The following CHRM3 variants were observed in gnomAD, a reference collection of about 807,000 sequenced individuals.
The protein encoded by CHRM3 is muscarinic acetylcholine receptor M3.
Under a neutral mutation model 41.8 loss-of-function variants are expected in CHRM3, and 11 were observed. The ratio of observed to expected loss-of-function variants is 0.26; its 90% CI spans 0.17 to 0.44. The LOEUF (loss-of-function observed/expected upper bound fraction) is 0.44, where lower values mean the gene tolerates loss of function less well. Among genes scored for constraint, CHRM3 ranks in the 20% least tolerant of loss-of-function variants. CHRM3 has a pLI of 1.00. For synonymous variants in CHRM3, 297 were observed against 301.4 expected, an observed-to-expected ratio of 0.99 and a Z score of 0.15; for missense variants, 571 against 745.4, an observed-to-expected ratio of 0.77 and a Z score of 2.72.
At chr1:239,646,022 C>T (rs1479384890) in intron 4 of CHRM3, among the ~76,000 whole-genome samples, 2 of 151,974 alleles carry the variant, frequency 1.3e-5, no homozygotes, top group African/African-American at 4.8e-5. Flanking sequence ...ACAATACATG[C>T]CAAGTGTAAA....
intron 6 of CHRM3, among the ~76,000 whole-genome samples, chr1:239,829,388 C>A (rs1057392820): frequency 1.3e-5 from 2 of 149,248 alleles, no homozygotes; most frequent in African/African-American, 4.9e-5. Flanking sequence ...GTTCAATTGA[C>A]TGCAAGGACT....
Position 239,908,396 on chromosome 1 carries a change from C to T in CHRM3, c.945C>T (p.Phe315=), listed in dbSNP as rs201978988. 6.2e-6 allele frequency: 10 copies of T among 1,614,084 alleles called. No individual in the cohort carries two copies. Among genetic ancestry groups the T allele is most frequent in the Non-Finnish European group, 5.9e-6 (7 of 1,180,046 alleles). ...AGTATGGCCGCTGCCACTTCTGGTT[C>T]ACAACCAAGAGCTGGAAACCCAGCT... The part of the protein sequence containing the change: ...RRKYGRCHFW[F]TTKSWKPSSE... The change falls in exon 7 of 7, where the codon TTC becomes TTT. Residue 315 remains phenylalanine (F), a synonymous_variant. Coordinates refer to ENST00000676153, the MANE Select transcript of CHRM3 (RefSeq NM_001375978.1). This position sits in a 1 kb window ranked among gnomAD's most constrained non-coding sequence, Gnocchi z 7.2.
chr1:239,572,129 C>A (rs903757473), intron 3 of CHRM3, among the ~76,000 whole-genome samples: 1 of 152,164 alleles, frequency 6.6e-6, no homozygotes, highest in Admixed American at 6.5e-5. Context: ...CATTTTACCA[C>A]CAAAAGCTTG....
intron 5 of CHRM3, among the ~76,000 whole-genome samples, chr1:239,682,257 G>T (rs531824619): frequency 2.0e-5 from 3 of 152,160 alleles, no homozygotes; most frequent in Admixed American, 2.0e-4. Flanking sequence ...GAATAGAGCT[G>T]TAATGAGGTC....
chr1:239,672,947 A>G (rs1245985617), intron 4 of CHRM3, among the ~76,000 whole-genome samples: 1 of 152,118 alleles, frequency 6.6e-6, no homozygotes, highest in Non-Finnish European at 1.5e-5. Context: ...GCCTAAAACT[A>G]TCAGTGAGCC....
intron 1 of CHRM3, among the ~76,000 whole-genome samples, chr1:239,471,311 T>C (rs993312946): frequency 1.3e-5 from 2 of 152,174 alleles, no homozygotes; most frequent in Admixed American, 6.5e-5. Context: ...CTGCCAGGTG[T>C]TGAGCAGCAA....
chr1:239,759,864 G>A (rs976639948), intron 5 of CHRM3, among the ~76,000 whole-genome samples: 3 of 152,088 alleles, frequency 2.0e-5, no homozygotes, highest in Admixed American at 1.3e-4. Context: ...CCACTTCCAA[G>A]ATGTCATGTC....
At chr1:239,765,722 T>C (rs1667145881) in intron 5 of CHRM3, among the ~76,000 whole-genome samples, 1 of 152,128 alleles carries the variant, frequency 6.6e-6, no homozygotes, top group Non-Finnish European at 1.5e-5. Flanking sequence ...AAGCAGTCAG[T>C]ATATTCAGCA....
intron 5 of CHRM3, chr1:239,705,456 C>T (rs1420427599): frequency 6.6e-6 from 1 of 152,184 alleles, no homozygotes; most frequent in Non-Finnish European, 1.5e-5. Flanking sequence ...AGGGTTGGCT[C>T]CTCCTGACAG....
intron 6 of CHRM3, among the ~76,000 whole-genome samples, chr1:239,828,411 T>G (rs1007593039): frequency 2.0e-5 from 3 of 152,128 alleles, no homozygotes; most frequent in Non-Finnish European, 4.4e-5. Context: ...CACACACTTA[T>G]ACACACACAA....
chr1:239,641,000 T>C (rs1237316488), intron 4 of CHRM3, among the ~76,000 whole-genome samples: 2 of 152,048 alleles, frequency 1.3e-5, no homozygotes, highest in African/African-American at 4.8e-5. Flanking sequence ...AACATCTTTA[T>C]TTCTGCCTTC....
At chr1:239,435,861 G>A (rs1486422782) in intron 1 of CHRM3, among the ~76,000 whole-genome samples, 2 of 152,090 alleles carry the variant, frequency 1.3e-5, no homozygotes, top group African/African-American at 4.8e-5. Context: ...GGCAATGTTA[G>A]GAGGATCACA....
At chr1:239,531,693 T>C (rs1240461460) in intron 2 of CHRM3, among the ~76,000 whole-genome samples, 3 of 117,058 alleles carry the variant, frequency 2.6e-5, no homozygotes, top group African/African-American at 9.5e-5. Flanking sequence ...AGAGTCTCGC[T>C]CTGTCGCCCA....
intron 1 of CHRM3, among the ~76,000 whole-genome samples, chr1:239,406,394 C>T (rs1660598487): frequency 6.6e-6 from 1 of 152,092 alleles, no homozygotes; most frequent in Non-Finnish European, 1.5e-5. Context: ...ACAGAAGAAA[C>T]AAAGAAATTT....
At chr1:239,818,029 A>G (rs1671736012) in intron 5 of CHRM3, among the ~76,000 whole-genome samples, 1 of 152,172 alleles carries the variant, frequency 6.6e-6, no homozygotes, top group African/African-American at 2.4e-5. Flanking sequence ...TTGGGTTGTC[A>G]CAACAAAACA....
chr1:239,487,051 CAT>C (rs1667226307), intron 1 of CHRM3, among the ~76,000 whole-genome samples: 1 of 152,112 alleles, frequency 6.6e-6, no homozygotes, highest in South Asian at 2.1e-4. Context: ...TGATGCAGAA[CAT>C]ATTAAATTCT....
chr1:239,518,600 G>GA (rs1262021919), intron 2 of CHRM3, among the ~76,000 whole-genome samples: 43 of 152,102 alleles, frequency 2.8e-4, no homozygotes, highest in Non-Finnish European at 2.9e-5. Flanking sequence ...CAGTTTGGGA[G>GA]AAAAAAGCCA....
At chr1:239,631,067 A>G (rs1012564654) in intron 3 of CHRM3, among the ~76,000 whole-genome samples, 2 of 152,272 alleles carry the variant, frequency 1.3e-5, no homozygotes, top group East Asian at 1.9e-4. Flanking sequence ...GGAAGAAGGG[A>G]TATCAGGGCA....
chr1:239,555,912 A>T lies in CHRM3; in HGVS notation c.-313+10163A>T, dbSNP rs534977678. Among the ~76,000 whole-genome samples the T allele has an allele frequency of 4.3e-4, 65 of 152,328 alleles. 3 individuals carry two copies. The South Asian group carries it at 0.013, about 31-fold the overall frequency. ...CTGCATCAAAAGGAACAGTTCAAAA[A>T]TTGGAAAAACTGTCAGTCATGCACC... On this transcript the variant is annotated intron_variant, in intron 3 of 6. Coordinates refer to ENST00000676153, the MANE Select transcript of CHRM3 (RefSeq NM_001375978.1).
Sources: allele counts gnomAD v4.1 joint callset (sites outside exome capture counted in the v4.1 genomes callset), GRCh38; gene constraint gnomAD v4.1.1; non-coding constraint Gnocchi (gnomAD v3.1); transcripts MANE v1.5; gene names NCBI Gene and HGNC (gene_info 2026-07-23, HGNC 2026-07-21).